The following FSTL4 variants were observed in gnomAD, a reference collection of about 807,000 sequenced individuals.
The protein encoded by FSTL4 is follistatin-related protein 4.
FSTL4 carries 28 observed loss-of-function variants against 78.2 expected under a neutral mutation model. That is an observed-to-expected ratio of 0.36 (90% CI 0.27 to 0.49). The LOEUF (loss-of-function observed/expected upper bound fraction) is 0.49, where lower values mean the gene tolerates loss of function less well. FSTL4 is among the 20% of genes least tolerant of loss of function. FSTL4 has a pLI of 0.98. For missense variants in FSTL4, 922 were observed against 1,084.9 expected (o/e 0.85, Z 2.11); for synonymous variants, 422 against 440.5 (o/e 0.96, Z 0.53).
the FSTL4 span, among the ~76,000 whole-genome samples, chr5:133,652,015 A>T: frequency 6.6e-6 from 1 of 152,090 alleles, no homozygotes; most frequent in Non-Finnish European, 1.5e-5. Context: ...GGTTCACTTC[A>T]TCTAGGTTAT....
chr5:133,732,138 G>A, the FSTL4 span, among the ~76,000 whole-genome samples: 1 of 152,170 alleles, frequency 6.6e-6, no homozygotes, highest in African/African-American at 2.4e-5. Context: ...TCTCTATCAG[G>A]CAGGCCCCAC....
the FSTL4 span, among the ~76,000 whole-genome samples, chr5:133,747,787 G>A: frequency 3.4e-4 from 52 of 152,118 alleles, no homozygotes; most frequent in Non-Finnish European, 5.6e-4. Flanking sequence ...CCTCACCTAC[G>A]TCCTGAGGGC....
intron 6 of FSTL4, among the ~76,000 whole-genome samples, chr5:133,287,271 C>T (rs1753153717): frequency 6.6e-6 from 1 of 151,884 alleles, no homozygotes; most frequent in Non-Finnish European, 1.5e-5. Flanking sequence ...GCCTGTAGTC[C>T]CAGCTACTCG....
intron 3 of FSTL4, among the ~76,000 whole-genome samples, chr5:133,521,936 A>G (rs531886613): frequency 6.6e-6 from 1 of 152,196 alleles, no homozygotes; most frequent in Non-Finnish European, 1.5e-5. Context: ...TCCCAAGAGC[A>G]CTGTGATGCA....
intron 10 of FSTL4, among the ~76,000 whole-genome samples, chr5:133,224,845 G>A (rs371489206): frequency 8.5e-5 from 13 of 152,330 alleles, no homozygotes; most frequent in African/African-American, 3.1e-4. Context: ...CAGAGGTTCA[G>A]GGCATACAGC....
At position 133,196,971 on chromosome 5, in the gene FSTL4, T is replaced by A. The variant is rs933995333; in HGVS notation, c.*2124A>T. 6.6e-6 allele frequency: 1 copy of A among 152,256 alleles called. No individual in the cohort carries two copies. The allele number at this position is 152,256 out of a possible 1,614,324, so 9.4% of individuals were successfully genotyped here. ...ACAGCAAAGGGCAGCTATGCTTTTT[T>A]AGACACATTCCAAGATGGAAGGGAC... On this transcript the variant is annotated 3_prime_UTR_variant, in exon 16 of 16. Transcript: ENST00000265342.
the FSTL4 span, among the ~76,000 whole-genome samples, chr5:133,772,290 G>A: frequency 6.6e-6 from 1 of 152,318 alleles, no homozygotes; most frequent in African/African-American, 2.4e-5. Flanking sequence ...AAAACAGCAT[G>A]AGGCCATCTC....
chr5:133,321,006 CAAAAAA>C (rs3976680), intron 4 of FSTL4, among the ~76,000 whole-genome samples: 2 of 90,438 alleles, frequency 2.2e-5, no homozygotes, highest in Non-Finnish European at 4.2e-5. Flanking sequence ...GACTCCGTCT[CAAAAAA>C]AAAAAAAAAA....
chr5:133,313,290 C>T (rs978360183), intron 5 of FSTL4, among the ~76,000 whole-genome samples: 2 of 152,232 alleles, frequency 1.3e-5, no homozygotes, highest in Admixed American at 1.3e-4. Context: ...GGACACAGCA[C>T]ACTCCCAGAC....
chr5:133,821,588 T>G, the FSTL4 span, among the ~76,000 whole-genome samples: 1 of 152,296 alleles, frequency 6.6e-6, no homozygotes, highest in East Asian at 1.9e-4. Flanking sequence ...TGGCAGTGTG[T>G]GTGCTCAGGG....
the FSTL4 span, among the ~76,000 whole-genome samples, chr5:133,780,345 T>C: frequency 2.6e-5 from 4 of 152,260 alleles, no homozygotes; most frequent in Admixed American, 6.5e-5. Flanking sequence ...TCCCTCTTTT[T>C]CCTACAATGT....
chr5:133,321,047 G>C (rs1754038406), intron 4 of FSTL4, among the ~76,000 whole-genome samples: 1 of 148,578 alleles, frequency 6.7e-6, no homozygotes, highest in Non-Finnish European at 1.5e-5. Flanking sequence ...TTTTGGGCAA[G>C]AAAGTGTCAA....
chr5:133,628,631 G>T, the FSTL4 span, among the ~76,000 whole-genome samples: 1 of 152,016 alleles, frequency 6.6e-6, no homozygotes, highest in Non-Finnish European at 1.5e-5. Flanking sequence ...AAGTGCTGGG[G>T]TTATAGGTGT....
At chr5:133,505,780 C>T (rs919345841) in intron 3 of FSTL4, among the ~76,000 whole-genome samples, 5 of 152,184 alleles carry the variant, frequency 3.3e-5, no homozygotes, top group Admixed American at 2.6e-4. Flanking sequence ...GATGAAGCAA[C>T]GGAAGGTTGT....
chr5:133,401,235 C>T (rs149176656), intron 3 of FSTL4, among the ~76,000 whole-genome samples: 1 of 152,218 alleles, frequency 6.6e-6, no homozygotes, highest in African/African-American at 2.4e-5. Context: ...ACATCTGAAA[C>T]ACAACACCTT....
chr5:133,619,535 T>C, the FSTL4 span, among the ~76,000 whole-genome samples: 1 of 152,186 alleles, frequency 6.6e-6, no homozygotes, highest in Admixed American at 6.5e-5. Flanking sequence ...ATCCCCACTT[T>C]CCATGTCGAG....
chr5:133,687,478 A>G, the FSTL4 span, among the ~76,000 whole-genome samples: 1 of 152,146 alleles, frequency 6.6e-6, no homozygotes, highest in African/African-American at 2.4e-5. Flanking sequence ...CCGGGTAGTG[A>G]TATTCCAACA....
chr5:133,793,862 A>G, the FSTL4 span, among the ~76,000 whole-genome samples: 1 of 152,228 alleles, frequency 6.6e-6, no homozygotes, highest in Non-Finnish European at 1.5e-5. Flanking sequence ...GTTTTAACTT[A>G]GAGGGAGGAA....
At chr5:133,453,276 C>CCATCAT (rs775107477) in intron 3 of FSTL4, among the ~76,000 whole-genome samples, 28 of 151,940 alleles carry the variant, frequency 1.8e-4, no homozygotes, top group Non-Finnish European at 3.2e-4. Flanking sequence ...TTCATCATCA[C>CCATCAT]CATCATCATC....
Sources: gnomAD v4.1 joint callset for allele counts (sites outside exome capture counted in the v4.1 genomes callset) on GRCh38, gnomAD v4.1.1 for gene constraint, MANE v1.5 for transcripts, NCBI Gene and HGNC (gene_info 2026-07-23, HGNC 2026-07-21) for gene names.